ADAMTS14: variants seen among roughly 807,000 people sequenced by gnomAD.
The protein encoded by ADAMTS14 is ADAM metallopeptidase with thrombospondin type 1 motif 14.
ADAMTS14 carries 100 observed loss-of-function variants against 128.6 expected under a neutral mutation model. The ratio of observed to expected loss-of-function variants is 0.78; its 90% confidence interval spans 0.66 to 0.92. ADAMTS14 has a LOEUF of 0.92. ADAMTS14 is among the 40% of genes least tolerant of loss of function. The pLI is 0.00. For missense variants in ADAMTS14, 1,562 were observed against 1,658.6 expected (o/e 0.94, Z 1.01); for synonymous variants, 665 against 653.8 (o/e 1.02, Z -0.26).
intron 16 of ADAMTS14, among the ~76,000 whole-genome samples, chr10:70,750,757 T>G (rs1842326223): frequency 6.6e-6 from 1 of 152,130 alleles, no homozygotes; most frequent in Admixed American, 6.5e-5. Context: ...GAAAGAATAG[T>G]CTCTTCAAAA....
intron 21 of ADAMTS14, among the ~76,000 whole-genome samples, chr10:70,760,083 G>T (rs2132764830): frequency 7.5e-6 from 1 of 133,224 alleles, no homozygotes; most frequent in East Asian, 2.3e-4. Flanking sequence ...GATGTGCATT[G>T]CCAGCAAGCT....
intron 4 of ADAMTS14, among the ~76,000 whole-genome samples, chr10:70,711,997 A>G (rs149686108): frequency 7.9e-5 from 12 of 151,990 alleles, no homozygotes; most frequent in Non-Finnish European, 1.6e-4. Context: ...CCAGGAGCCT[A>G]GCATGTGGTT....
Position 70,693,602 on chromosome 10 carries a change from A to G in ADAMTS14, c.523-8710A>G, listed in dbSNP as rs145893673. Among the ~76,000 whole-genome samples, 190 of 152,350 alleles carry G rather than the reference A, an allele frequency of 1.2e-3. 1 individual carries two copies. The highest frequency in any genetic ancestry group is 4.5e-3 in the African/African-American group (185 of 41,560). ...AATGATGTTAAGTAAGTGTCCCAAG[A>G]TTACATGATCTGAGAGTGGTGGAGC... On this transcript the variant is annotated intron_variant, in intron 2 of 21. Coordinates refer to ENST00000373207, the MANE Select transcript of ADAMTS14 (RefSeq NM_080722.4).
intron 6 of ADAMTS14, among the ~76,000 whole-genome samples, chr10:70,731,452 G>T (rs908930629): frequency 6.6e-6 from 1 of 152,168 alleles, no homozygotes; most frequent in Admixed American, 6.5e-5. Flanking sequence ...TGTCTGGGGG[G>T]ACTGCAGGCC....
intron 4 of ADAMTS14, among the ~76,000 whole-genome samples, chr10:70,724,389 A>G (rs920459757): frequency 6.6e-6 from 1 of 152,178 alleles, no homozygotes; most frequent in African/African-American, 2.4e-5. Flanking sequence ...CTCGTGCCCA[A>G]CCATGGGAAG....
At chr10:70,738,517 C>T (rs1841894469) in intron 10 of ADAMTS14, among the ~76,000 whole-genome samples, 1 of 152,190 alleles carries the variant, frequency 6.6e-6, no homozygotes, top group East Asian at 1.9e-4. Context: ...GTCTTCTCTC[C>T]CCTATCAGCC....
chr10:70,720,774 C>T (rs751483840), intron 4 of ADAMTS14, among the ~76,000 whole-genome samples: 2 of 152,198 alleles, frequency 1.3e-5, no homozygotes, highest in African/African-American at 2.4e-5. Context: ...GTTTAGTCAT[C>T]GGCATGTGTA....
rs1045373626 is a variant in ADAMTS14, at chr10:70,689,493, G to A, written c.523-12819G>A. On this transcript the variant is annotated intron_variant, in intron 2 of 21. Coordinates refer to ENST00000373207, the MANE Select transcript of ADAMTS14 (RefSeq NM_080722.4). ...TCCTAGTGGGGTGCACAGCAGGGGCGAAGGCGCGGAGGCCCATGGGAACTG... is the reference window on the plus strand; with the variant it reads ...TCCTAGTGGGGTGCACAGCAGGGGCAAAGGCGCGGAGGCCCATGGGAACTG... Among the ~76,000 whole-genome samples the A allele has an allele frequency of 3.7e-4, 54 of 145,290 alleles. 7 individuals carry two copies. Among genetic ancestry groups the A allele is most frequent in the South Asian group, 2.2e-4 (1 of 4,566 alleles).
At chr10:70,725,934 G>A (rs1308312782) in intron 4 of ADAMTS14, among the ~76,000 whole-genome samples, 5 of 152,046 alleles carry the variant, frequency 3.3e-5, no homozygotes, top group Non-Finnish European at 2.9e-5. Context: ...CTCCTGCCCA[G>A]ACGCTGTTTC....
At chr10:70,759,101 C>T (rs1842545647) in intron 21 of ADAMTS14, among the ~76,000 whole-genome samples, 1 of 73,600 alleles carries the variant, frequency 1.4e-5, no homozygotes, top group Non-Finnish European at 3.1e-5. Flanking sequence ...ACTAGATGTC[C>T]TCAAAGGACC....
At chr10:70,743,782 C>CA in intron 13 of ADAMTS14, 101 bp downstream of exon 13, 1 of 1,416,878 alleles carries the variant, frequency 7.1e-7, no homozygotes, top group Non-Finnish European at 9.3e-7. Context: ...CTCACCGGCC[C>CA]ACTCGCAACA....
At chr10:70,755,583 G>A (rs1301732468) in intron 19 of ADAMTS14, among the ~76,000 whole-genome samples, 2 of 152,330 alleles carry the variant, frequency 1.3e-5, no homozygotes, top group African/African-American at 2.4e-5. Flanking sequence ...GGTGGCTCAC[G>A]CCTGTAATCC....
intron 4 of ADAMTS14, among the ~76,000 whole-genome samples, chr10:70,718,506 G>C (rs1233714066): frequency 1.3e-5 from 2 of 152,036 alleles, no homozygotes; most frequent in Non-Finnish European, 2.9e-5. Flanking sequence ...TCCTGCCTCA[G>C]ACTCCTGAGT....
At chr10:70,673,479 T>C (rs1839548023) in intron 1 of ADAMTS14, among the ~76,000 whole-genome samples, 1 of 152,138 alleles carries the variant, frequency 6.6e-6, no homozygotes, top group Non-Finnish European at 1.5e-5. Context: ...CAGCATGGGG[T>C]ACCCTCCTGG....
At chr10:70,695,160 G>A (rs1840297131) in intron 2 of ADAMTS14, among the ~76,000 whole-genome samples, 2 of 151,940 alleles carry the variant, frequency 1.3e-5, no homozygotes, top group South Asian at 4.2e-4. Context: ...ATCTTTCTTG[G>A]AGAAACGTCT....
At chr10:70,684,343 A>G (rs1374173914) in intron 2 of ADAMTS14, among the ~76,000 whole-genome samples, 1 of 152,206 alleles carries the variant, frequency 6.6e-6, no homozygotes, top group Non-Finnish European at 1.5e-5. Flanking sequence ...GATCCAAACC[A>G]TATCATGGCA....
At chr10:70,743,208 G>T (rs1220123164) in intron 12 of ADAMTS14, among the ~76,000 whole-genome samples, 2 of 152,348 alleles carry the variant, frequency 1.3e-5, no homozygotes, top group East Asian at 3.9e-4. Context: ...TTAAGGGCAT[G>T]TGAAGGTTTT....
In ADAMTS14 at chr10:70,732,261, A is replaced by C; in HGVS notation, c.1110A>C (p.Ala370=). Reference sequence around the variant, plus strand: ...TCTTTCTCTCTTCGGCAGGGTATGCACCCGTCACTGGCATGTGTCACCCCC... The same window carrying C: ...TCTTTCTCTCTTCGGCAGGGTATGCCCCCGTCACTGGCATGTGTCACCCCC... ...TRQDFGPSGY[A]PVTGMCHPLR... The change falls in exon 7 of 22, where the codon GCA becomes GCC. Residue 370 remains alanine (A), a synonymous_variant. Coordinates refer to ENST00000373207, the MANE Select transcript of ADAMTS14 (RefSeq NM_080722.4). 1 of 1,614,038 alleles carries C rather than the reference A, an allele frequency of 6.2e-7. No individual in the cohort carries two copies. The highest frequency in any genetic ancestry group is 1.1e-5 in the South Asian group (1 of 91,074).
intron 3 of ADAMTS14, among the ~76,000 whole-genome samples, chr10:70,703,970 G>T (rs1227979040): frequency 6.6e-6 from 1 of 152,236 alleles, no homozygotes; most frequent in African/African-American, 2.4e-5. Flanking sequence ...CAGTCGTGGG[G>T]CTGAGCCCAG....
Sources: gnomAD v4.1 joint callset for allele counts (sites outside exome capture counted in the v4.1 genomes callset) on GRCh38, gnomAD v4.1.1 for gene constraint, MANE v1.5 for transcripts, NCBI Gene and HGNC (gene_info 2026-07-23, HGNC 2026-07-21) for gene names.